SYNE1: variants seen among roughly 807,000 people sequenced by gnomAD.
The protein encoded by SYNE1 is nesprin-1.
SYNE1 carries 616 observed loss-of-function variants against 1,111.0 expected under a neutral mutation model. The observed-to-expected ratio is 0.55, with a 90% confidence interval of 0.52 to 0.59. The LOEUF (loss-of-function observed/expected upper bound fraction) is 0.59, where lower values mean the gene tolerates loss of function less well. Among genes scored for constraint, SYNE1 ranks in the 20% least tolerant of loss-of-function variants. SYNE1 has a pLI of 0.00. For missense variants in SYNE1, 10,006 were observed against 10,417.0 expected, an observed-to-expected ratio of 0.96 and a Z score of 1.72; for synonymous variants, 3,855 against 3,825.8, an observed-to-expected ratio of 1.01 and a Z score of -0.28.
chr6:152,333,794 G>A (rs975605033), intron 77 of SYNE1, among the ~76,000 whole-genome samples: 3 of 151,826 alleles, frequency 2.0e-5, no homozygotes, highest in Admixed American at 6.6e-5. Flanking sequence ...CACCACGCCC[G>A]GCTAATTTTT....
At chr6:152,176,833 A>G (rs530556144) in intron 129 of SYNE1, among the ~76,000 whole-genome samples, 2 of 152,282 alleles carry the variant, frequency 1.3e-5, no homozygotes, top group Admixed American at 1.3e-4. Flanking sequence ...TTAAAAAACA[A>G]TAAAAGATAG....
At position 152,407,105 on chromosome 6, in the gene SYNE1, C is replaced by A. The variant is rs1043103927; in HGVS notation, c.6632G>T (p.Gly2211Val). Residue 2211 changes from glycine (G) to valine (V), a missense_variant, in exon 45 of 146, where the codon GGA becomes GTA. Gly to Val is a moderately radical substitution (Grantham distance 109, BLOSUM62 -3). Around this residue, in one of 7 missense-constraint regions of SYNE1, gnomAD observed 4,955 missense variants for 5,017.2 expected, o/e 0.99. Transcript: ENST00000367255. Reference protein sequence around the residue: ...DVLSTRDEIEGWSNNCVPQMA... With the variant: ...DVLSTRDEIEVWSNNCVPQMA... Reference sequence around the variant, plus strand: ...CTGTGGAACGCAGTTGTTTGACCATCCCTCAATCTCATCTCTAGTTGACAG... The same window carrying A: ...CTGTGGAACGCAGTTGTTTGACCATACCTCAATCTCATCTCTAGTTGACAG... The A allele has an allele frequency of 1.1e-5, 17 of 1,613,766 alleles. No individual in the cohort carries two copies. Among genetic ancestry groups the A allele is most frequent in the Admixed American group, 1.7e-5 (1 of 59,976 alleles).
intron 14 of SYNE1, among the ~76,000 whole-genome samples, chr6:152,480,409 T>C (rs1420521764): frequency 6.6e-6 from 1 of 151,734 alleles, no homozygotes; most frequent in Admixed American, 6.6e-5. Flanking sequence ...AAATCCCAGC[T>C]ACATGGGAGG....
chr6:152,553,752 A>C (rs1247918064), intron 3 of SYNE1, among the ~76,000 whole-genome samples: 1 of 151,956 alleles, frequency 6.6e-6, no homozygotes, highest in African/African-American at 2.4e-5. Flanking sequence ...TTATTATATC[A>C]TGTGTCACAG....
intron 14 of SYNE1, among the ~76,000 whole-genome samples, chr6:152,482,232 G>T (rs146153688): frequency 6.6e-6 from 1 of 152,134 alleles, no homozygotes; most frequent in Non-Finnish European, 1.5e-5. Context: ...TAAAGCCCCA[G>T]AGAGGCATAA....
At chr6:152,122,793 C>A in intron 145 of SYNE1, 117 bp from the exon 146 acceptor site, 3 of 1,514,442 alleles carry the variant, frequency 2.0e-6, no homozygotes, top group Non-Finnish European at 2.7e-6. Context: ...CCCAGCCTGG[C>A]GATCAGCTGC....
At chr6:152,311,218 T>C (rs1313330107) in intron 87 of SYNE1, 2 of 294,762 alleles carry the variant, frequency 6.8e-6, no homozygotes, top group African/African-American at 4.3e-5. Context: ...GGTGTCTTAT[T>C]TGTATCTCTG....
rs1266604424 is a variant in SYNE1, at chr6:152,220,897, G to A, written c.21806C>T (p.Ala7269Val). 1.9e-6 allele frequency: 3 copies of A among 1,613,986 alleles called. No homozygotes were observed. Among genetic ancestry groups the A allele is most frequent in the Non-Finnish European group, 2.5e-6 (3 of 1,179,984 alleles). The change falls in exon 119 of 146, where the codon GCC (alanine) becomes GTC (valine). Residue 7269 changes from alanine (A) to valine (V), a missense_variant. Physicochemically the swap from Ala to Val is moderately conservative, Grantham distance 64. This residue lies in a region of SYNE1 where 2,182 missense variants were observed against 2,287.8 expected (regional missense o/e 0.95). Transcript: ENST00000367255. ...ATCATCGGCAATGTCCTTGTTTGTGGCTGCCTTCAACAGCTCATTGGTTCG... is the reference window on the plus strand; with the variant it reads ...ATCATCGGCAATGTCCTTGTTTGTGACTGCCTTCAACAGCTCATTGGTTCG... ...EDRTNELLKA[A>V]TNKDIADDEV...
Position 152,517,801 on chromosome 6 carries a change from A to G in SYNE1, c.309+2658T>C, listed in dbSNP as rs1203830382. On this transcript the variant is annotated intron_variant, in intron 6 of 145. Coordinates refer to ENST00000367255, the MANE Select transcript of SYNE1 (RefSeq NM_182961.4). ...AAAACACATCTTATTTGTGGAAAAA[A>G]TGCAAAATGTATGTCAGAAACTAGA... Among the ~76,000 whole-genome samples the G allele has an allele frequency of 2.6e-5, 4 of 152,200 alleles. No homozygotes were observed. The South Asian group carries it at 6.2e-4, about 24-fold the overall frequency.
chr6:152,433,296 A>G (rs931094356), intron 34 of SYNE1, among the ~76,000 whole-genome samples: 1 of 152,174 alleles, frequency 6.6e-6, no homozygotes, highest in Non-Finnish European at 1.5e-5. Context: ...ACCTCTGTCC[A>G]TGCTCCAAGG....
At chr6:152,405,479 C>T (rs1261293706) in intron 45 of SYNE1, among the ~76,000 whole-genome samples, 1 of 152,090 alleles carries the variant, frequency 6.6e-6, no homozygotes, top group African/African-American at 2.4e-5. Flanking sequence ...GTCAATAACT[C>T]AAAGGCCTAC....
At position 152,398,602 on chromosome 6, in the gene SYNE1, G is replaced by C; in HGVS notation, c.7350+17C>G. ...GTACATTTTGGGGAAGAAGGAAAAG[G>C]ATGTCAGCTTCTATACCTGAAGATC... is the stretch of plus-strand genomic sequence containing the variant. On this transcript the variant is annotated intron_variant, in intron 49 of 145. Transcript: ENST00000367255. The C allele has an allele frequency of 6.2e-7, 1 of 1,604,424 alleles. No homozygotes were observed. Among genetic ancestry groups the C allele is most frequent in the Non-Finnish European group, 8.5e-7 (1 of 1,171,226 alleles).
chr6:152,349,801 A>T lies in SYNE1; in HGVS notation c.11901+367T>A, dbSNP rs577343267. On this transcript the variant is annotated intron_variant, in intron 72 of 145. Coordinates refer to ENST00000367255, the MANE Select transcript of SYNE1 (RefSeq NM_182961.4). Reference sequence around the variant, plus strand: ...AGCTCTTTCCTGTGCTGTTCTCATGATAGCAAATAAGTCTCATGAGATCTG... The same window carrying T: ...AGCTCTTTCCTGTGCTGTTCTCATGTTAGCAAATAAGTCTCATGAGATCTG... Among the ~76,000 whole-genome samples the T allele has an allele frequency of 3.9e-5, 6 of 152,286 alleles. No individual in the cohort carries two copies. In the South Asian group the frequency reaches 1.2e-3, roughly 32 times the overall value.
chr6:152,307,377 T>C (rs1031143423), intron 91 of SYNE1, among the ~76,000 whole-genome samples: 2 of 152,226 alleles, frequency 1.3e-5, no homozygotes, highest in African/African-American at 4.8e-5. Flanking sequence ...AGAATCTCAA[T>C]GTGAGTGGTT....
intron 137 of SYNE1, chr6:152,145,949 C>G (rs2813489): frequency 0.29 from 82,661 of 285,044 alleles, 12,499 homozygotes; most frequent in Admixed American, 0.42. Context: ...CGCTTGAACC[C>G]GGGAGGTGGA....
Position 152,624,427 on chromosome 6 carries a change from G to C in SYNE1, c.67+3838C>G, listed in dbSNP as rs146650574. Reference sequence around the variant, plus strand: ...AATTACAAAAAAGCCTTAAAATGTTGTCACTATCTAAAAGAAGTTTATAAT... The same window carrying C: ...AATTACAAAAAAGCCTTAAAATGTTCTCACTATCTAAAAGAAGTTTATAAT... On this transcript the variant is annotated intron_variant, in intron 3 of 145. Coordinates refer to ENST00000367255, the MANE Select transcript of SYNE1 (RefSeq NM_182961.4). Among the ~76,000 whole-genome samples, 68 of 152,198 alleles carry C rather than the reference G, an allele frequency of 4.5e-4. 1 individual carries two copies. In the East Asian group the frequency reaches 0.013, roughly 28 times the overall value.
chr6:152,468,600 G>A (rs902613752), intron 16 of SYNE1, among the ~76,000 whole-genome samples: 7 of 152,100 alleles, frequency 4.6e-5, no homozygotes, highest in African/African-American at 1.4e-4. Context: ...ATCTGAGTTG[G>A]ATGTACATTC....
intron 101 of SYNE1, among the ~76,000 whole-genome samples, chr6:152,259,793 A>G (rs1288338460): frequency 5.9e-5 from 9 of 152,180 alleles, no homozygotes; most frequent in African/African-American, 2.2e-4. Flanking sequence ...CACCACAGAG[A>G]GGAAAACAAC....
chr6:152,278,052 C>A, intron 98 of SYNE1, 37 bp downstream of exon 98: 2 of 1,612,152 alleles, frequency 1.2e-6, no homozygotes, highest in Non-Finnish European at 8.5e-7. Context: ...AACAGTGTGC[C>A]AACTTTCAGC....
Sources: gnomAD v4.1 joint callset for allele counts (sites outside exome capture counted in the v4.1 genomes callset) on GRCh38, gnomAD v4.1.1 for gene constraint, gnomAD v4.1.1 regional missense constraint, MANE v1.5 for transcripts, NCBI Gene and HGNC (gene_info 2026-07-23, HGNC 2026-07-21) for gene names.